Variants in SLC5A11 observed in about 807,000 individuals in gnomAD.
SLC5A11 encodes sodium/myo-inositol cotransporter 2.
A neutral mutation model predicts 69.8 loss-of-function variants in SLC5A11; 48 were observed. The observed-to-expected ratio is 0.69, with a 90% confidence interval of 0.55 to 0.87. The LOEUF is 0.87. Ranked by LOEUF, SLC5A11 falls within the 40% of genes least tolerant of loss-of-function variation. The pLI is 0.00. For missense variants in SLC5A11, 784 were observed against 866.1 expected (o/e 0.91, Z 1.19); for synonymous variants, 319 against 342.4 (o/e 0.93, Z 0.75).
intron 4 of SLC5A11, among the ~76,000 whole-genome samples, chr16:24,871,201 T>C (rs532814783): frequency 3.3e-5 from 5 of 152,350 alleles, no homozygotes; most frequent in African/African-American, 1.2e-4. Flanking sequence ...CTCCAACACG[T>C]ATAAACTTCA....
At chr16:24,890,832 C>G in intron 8 of SLC5A11, 37 bp from the exon 10 acceptor site, 1 of 1,604,962 alleles carries the variant, frequency 6.2e-7, no homozygotes. Flanking sequence ...ATGGACCAAT[C>G]TGAGTTCCCG....
intron 10 of SLC5A11, among the ~76,000 whole-genome samples, chr16:24,901,930 AT>A (rs2049629712): frequency 2.3e-5 from 2 of 87,454 alleles, no homozygotes; most frequent in Non-Finnish European, 2.5e-5. Context: ...GGAAAAAAAA[AT>A]ACACACACAC....
intron 10 of SLC5A11, among the ~76,000 whole-genome samples, chr16:24,901,958 G>GCACACACACACACACACACACA (rs56126191): frequency 1.8e-4 from 25 of 136,678 alleles, no homozygotes; most frequent in African/African-American, 6.0e-4. Context: ...ACACACACAC[G>GCACACACACACACACACACACA]CACACACACA....
chr16:24,864,510 G>A (rs965145420), intron 3 of SLC5A11, among the ~76,000 whole-genome samples: 2 of 152,158 alleles, frequency 1.3e-5, no homozygotes, highest in African/African-American at 2.4e-5. Flanking sequence ...AAACCCTGAA[G>A]AGTCAGGAAT....
At chr16:24,898,288 T>C (rs1254434675) in intron 10 of SLC5A11, among the ~76,000 whole-genome samples, 179 bp downstream of exon 11, 1 of 152,218 alleles carries the variant, frequency 6.6e-6, no homozygotes, top group Non-Finnish European at 1.5e-5. Flanking sequence ...CATAGCTCAC[T>C]GTAACCTTGA....
At chr16:24,888,414 A>G (rs1329632228) in intron 8 of SLC5A11, among the ~76,000 whole-genome samples, 2 of 150,470 alleles carry the variant, frequency 1.3e-5, no homozygotes, top group African/African-American at 5.0e-5. Flanking sequence ...TGAAAGCCCA[A>G]TTTAGTGATT....
chr16:24,906,822 G>A (rs776075510), intron 11 of SLC5A11, 58 bp downstream of exon 12: 147 of 1,494,044 alleles, frequency 9.8e-5, no homozygotes, highest in African/African-American at 5.4e-4. Flanking sequence ...GGAGATCACC[G>A]GATGGGCTCT....
At position 24,888,787 on chromosome 16, in the gene SLC5A11, T is replaced by A. The variant is rs1334343597; in HGVS notation, c.665-2082T>A. Reference sequence around the variant, plus strand: ...GTGTGAGCCACCGTGCCTGTCCTTTTTTTTTTTTTTTTTTTTTTTTTTTTT... The same window carrying A: ...GTGTGAGCCACCGTGCCTGTCCTTTATTTTTTTTTTTTTTTTTTTTTTTTT... On this transcript the variant is annotated intron_variant, in intron 8 of 15. Coordinates refer to ENST00000347898, the Ensembl canonical transcript of SLC5A11. Among the ~76,000 whole-genome samples, 834 of 109,800 alleles carry A rather than the reference T, an allele frequency of 7.6e-3. 14 individuals are homozygous for A. The highest frequency in any genetic ancestry group is 0.03 in the African/African-American group (793 of 26,114). The allele number at this position is 109,800 out of a possible 152,430, so 72.0% of individuals were successfully genotyped here. A position where few individuals can be genotyped will look rare whatever the true frequency, so the allele number is the denominator to read the frequency against.
At chr16:24,890,791 CCA>C (rs767178818) in intron 8 of SLC5A11, 76 bp from the exon 10 acceptor site, 3 of 1,382,582 alleles carry the variant, frequency 2.2e-6, no homozygotes, top group Non-Finnish European at 3.1e-6. Context: ...TAGAATTTCA[CCA>C]GTCTCCAGCC....
intron 3 of SLC5A11, among the ~76,000 whole-genome samples, chr16:24,867,405 A>G (rs1211168587): frequency 1.3e-5 from 2 of 152,174 alleles, no homozygotes; most frequent in Non-Finnish European, 2.9e-5. Context: ...CAATGCCCAT[A>G]TTAAAAAAGA....
chr16:24,885,565 T>C (rs2152346039), intron 8 of SLC5A11, among the ~76,000 whole-genome samples: 1 of 149,814 alleles, frequency 6.7e-6, no homozygotes, highest in South Asian at 2.1e-4. Flanking sequence ...GGAGGATGGC[T>C]TGAGCCTGGC....
chr16:24,900,190 C>CT lies in SLC5A11; in HGVS notation c.1006+2085dup, dbSNP rs2152398400. Reference sequence around the variant, plus strand: ...GATCTATACAGAAGAAAGCTCCTCTCTTTTCCCCTGAAACAGTGAGCTTTC... The same window carrying CT: ...GATCTATACAGAAGAAAGCTCCTCTCTTTTTCCCCTGAAACAGTGAGCTTTC... On this transcript the variant is annotated intron_variant, in intron 10 of 15. Coordinates refer to ENST00000347898, the Ensembl canonical transcript of SLC5A11. Among the ~76,000 whole-genome samples the CT allele has an allele frequency of 2.0e-5, 3 of 152,276 alleles. No homozygotes were observed. In the East Asian group the frequency reaches 5.8e-4, roughly 29 times the overall value.
At chr16:24,906,996 G>C (rs763427048) in intron 11 of SLC5A11, 29 bp from the exon 13 acceptor site, 9 of 1,608,098 alleles carry the variant, frequency 5.6e-6, no homozygotes, top group Non-Finnish European at 7.6e-6. Context: ...GAAAAGGACC[G>C]AGGCCCATGA....
intron 10 of SLC5A11, among the ~76,000 whole-genome samples, chr16:24,900,824 A>T (rs2049525505): frequency 6.6e-6 from 1 of 151,778 alleles, no homozygotes; most frequent in Non-Finnish European, 1.5e-5. Context: ...AAACTGAGGC[A>T]GGAGAATTGC....
chr16:24,884,513 G>GTTTTTT (rs10572531), intron 8 of SLC5A11, among the ~76,000 whole-genome samples: 3 of 110,268 alleles, frequency 2.7e-5, no homozygotes, highest in African/African-American at 9.8e-5. Context: ...TTTTTATTTT[G>GTTTTTT]TTTTTTTTTT....
At chr16:24,891,619 T>TG (rs1300760350) in intron 9 of SLC5A11, among the ~76,000 whole-genome samples, 1 of 152,164 alleles carries the variant, frequency 6.6e-6, no homozygotes, top group Admixed American at 6.5e-5. Flanking sequence ...CCACTGCAGC[T>TG]GGCCTAATAC....
chr16:24,907,985 C>G, exon 13 of SLC5A11: 1 of 1,614,130 alleles, frequency 6.2e-7, no homozygotes, highest in Non-Finnish European at 8.5e-7. Context: ...GCTGCTGGTC[C>G]TGGTCTCCAT....
In SLC5A11 at chr16:24,907,900, G is replaced by A. The variant is rs1018114373; in HGVS notation, c.1266-63G>A. 2.5e-5 allele frequency: 39 copies of A among 1,582,446 alleles called. No individual in the cohort carries two copies. The Middle Eastern group carries it at 5.1e-4, about 21-fold the overall frequency. ...GACCCTGTCTATTAAAAGAGACAGA[G>A]AGAGGGAAAGAGGAGTAAATGTTCA... On this transcript the variant is annotated intron_variant, in intron 12 of 15. Transcript: ENST00000347898.
intron 9 of SLC5A11, among the ~76,000 whole-genome samples, chr16:24,897,650 T>C (rs2152391480): frequency 6.6e-6 from 1 of 152,224 alleles, no homozygotes; most frequent in East Asian, 1.9e-4. Flanking sequence ...GACTCACAGT[T>C]CCACATGGCT....
Sources: gnomAD v4.1 joint callset for allele counts (sites outside exome capture counted in the v4.1 genomes callset) on GRCh38, gnomAD v4.1.1 for gene constraint, MANE v1.5 for transcripts, NCBI Gene and HGNC (gene_info 2026-07-23, HGNC 2026-07-21) for gene names.